Variants in SEPTIN9 observed in about 807,000 individuals in gnomAD.
The protein encoded by SEPTIN9 is septin 9.
Under a neutral mutation model 56.6 loss-of-function variants are expected in SEPTIN9, and 13 were observed. The ratio of observed to expected loss-of-function variants is 0.23; its 90% confidence interval spans 0.15 to 0.37. The LOEUF is 0.37. SEPTIN9 is among the 10% of genes least tolerant of loss of function. SEPTIN9 has a pLI of 1.00. For missense variants in SEPTIN9, 650 were observed against 823.1 expected, an observed-to-expected ratio of 0.79 and a Z score of 2.57; for synonymous variants, 332 against 334.1, an observed-to-expected ratio of 0.99 and a Z score of 0.07.
At position 77,476,332 on chromosome 17, in the gene SEPTIN9, T is replaced by A. The variant is rs2039213406; in HGVS notation, c.722-5812T>A. Among the ~76,000 whole-genome samples, 1 of 152,126 alleles carries A rather than the reference T, an allele frequency of 6.6e-6. No homozygotes were observed. The highest frequency in any genetic ancestry group is 1.5e-5 in the Non-Finnish European group (1 of 68,024). On this transcript the variant is annotated intron_variant, in intron 3 of 11. Coordinates refer to ENST00000427177, the MANE Select transcript of SEPTIN9 (RefSeq NM_001113491.2). This position sits in a 1 kb window ranked among gnomAD's most constrained non-coding sequence, Gnocchi z 6.0. ...TGCCCCTAAAGTGTGTCATGTCCAATAGCTGCCTCCTCTCTGGGCACTGCC... is the reference window on the plus strand; with the variant it reads ...TGCCCCTAAAGTGTGTCATGTCCAAAAGCTGCCTCCTCTCTGGGCACTGCC...
intron 1 of SEPTIN9, among the ~76,000 whole-genome samples, chr17:77,288,896 G>A (rs1363738368): frequency 1.3e-5 from 2 of 152,198 alleles, no homozygotes; most frequent in Non-Finnish European, 2.9e-5. Flanking sequence ...GGCCGGCACC[G>A]AGGGGCGGGG....
intron 2 of SEPTIN9, chr17:77,375,955 CA>C (rs1286422982): frequency 3.5e-6 from 1 of 286,466 alleles, no homozygotes; most frequent in African/African-American, 2.3e-5. Flanking sequence ...GGTGGACAGA[CA>C]GACGTGGGGA....
chr17:77,475,178 T>G lies in SEPTIN9; in HGVS notation c.722-6966T>G. 1.7e-6 allele frequency: 2 copies of G among 1,156,124 alleles called. No individual in the cohort carries two copies. Among genetic ancestry groups the G allele is most frequent in the Non-Finnish European group, 2.2e-6 (2 of 928,558 alleles). The allele number at this position is 1,156,124 out of a possible 1,614,324, so 71.6% of individuals were successfully genotyped here. A position where few individuals can be genotyped will look rare whatever the true frequency, so the allele number is the denominator to read the frequency against. ...GCTGGGGTGAGCGTGATGGATGAGG[T>G]GTCTGGCTTCACAAACCCTGTGTGG... On this transcript the variant is annotated intron_variant, in intron 3 of 11. Coordinates refer to ENST00000427177, the MANE Select transcript of SEPTIN9 (RefSeq NM_001113491.2). The surrounding 1 kb of genome is among the most constrained non-coding windows in gnomAD (Gnocchi z 4.6).
chr17:77,324,746 A>T (rs933734952), intron 2 of SEPTIN9, among the ~76,000 whole-genome samples: 1 of 151,778 alleles, frequency 6.6e-6, no homozygotes, highest in African/African-American at 2.4e-5. Context: ...TACTAATCCC[A>T]TATCTGACCT....
chr17:77,361,160 G>T (rs2143851132), intron 2 of SEPTIN9, among the ~76,000 whole-genome samples: 1 of 152,162 alleles, frequency 6.6e-6, no homozygotes, highest in East Asian at 1.9e-4. Flanking sequence ...CTTACCTAAG[G>T]TGATCCACCC....
Position 77,367,853 on chromosome 17 carries a change from TAAAA to T in SEPTIN9, c.77-34205_77-34202del, listed in dbSNP as rs2034617292. Reference sequence around the variant, plus strand: ...CTAATAATAAATAAAATAATAATAATAAAATAATAAAAGCAAGGACTTGAACAAA... The same window carrying T: ...CTAATAATAAATAAAATAATAATAATTAATAAAAGCAAGGACTTGAACAAA... On this transcript the variant is annotated intron_variant, in intron 2 of 11. Coordinates refer to ENST00000427177, the MANE Select transcript of SEPTIN9 (RefSeq NM_001113491.2). The surrounding 1 kb of genome is among the most constrained non-coding windows in gnomAD (Gnocchi z 4.5). 6.6e-6 allele frequency among the ~76,000 whole-genome samples: 1 copy of T among 151,828 alleles called. No homozygotes were observed. Among genetic ancestry groups the T allele is most frequent in the Non-Finnish European group, 1.5e-5 (1 of 67,982 alleles).
In SEPTIN9 at chr17:77,327,136, C is replaced by T. The variant is rs1009154410; in HGVS notation, c.76+19939C>T. On this transcript the variant is annotated intron_variant, in intron 2 of 11. Coordinates refer to ENST00000427177, the MANE Select transcript of SEPTIN9 (RefSeq NM_001113491.2). The surrounding 1 kb of genome is among the most constrained non-coding windows in gnomAD (Gnocchi z 5.0). Reference sequence around the variant, plus strand: ...AGTTAATCCTACCAGCACTGGCTCTCATCTGCCGACCTTACCTCTGGCAAT... The same window carrying T: ...AGTTAATCCTACCAGCACTGGCTCTTATCTGCCGACCTTACCTCTGGCAAT... 6.6e-6 allele frequency among the ~76,000 whole-genome samples: 1 copy of T among 152,190 alleles called. No homozygotes were observed. The highest frequency in any genetic ancestry group is 1.5e-5 in the Non-Finnish European group (1 of 68,028).
chr17:77,390,150 T>C (rs75943331), intron 2 of SEPTIN9, among the ~76,000 whole-genome samples: 31,840 of 151,554 alleles, frequency 0.21, 3,583 homozygotes, highest in East Asian at 0.5. Context: ...TTTACTGTGG[T>C]CCTGGTTCTG....
intron 2 of SEPTIN9, among the ~76,000 whole-genome samples, chr17:77,340,798 CTT>C (rs774530438): frequency 1.3e-5 from 2 of 152,382 alleles, no homozygotes; most frequent in Admixed American, 6.5e-5. Flanking sequence ...TTCTGGGTAA[CTT>C]GCTGCCGCTT....
chr17:77,474,837 A>G lies in SEPTIN9; in HGVS notation c.722-7307A>G, dbSNP rs545260565. Among the ~76,000 whole-genome samples the G allele has an allele frequency of 3.9e-5, 6 of 152,180 alleles. No homozygotes were observed. In the South Asian group the frequency reaches 1.2e-3, roughly 32 times the overall value. On this transcript the variant is annotated intron_variant, in intron 3 of 11. Transcript: ENST00000427177. ...GGCTACCTTATAGGATTGTGTGATG[A>G]TCCATCAGTTATAATAGCTCCTGAG... is the stretch of plus-strand genomic sequence containing the variant.
At chr17:77,373,184 C>G (rs1033871862) in intron 2 of SEPTIN9, 8 of 1,076,152 alleles carry the variant, frequency 7.4e-6, no homozygotes, top group African/African-American at 1.7e-5. Context: ...CACTCGGGCC[C>G]CAGCCCCCCA....
At chr17:77,364,047 C>T (rs764083670) in intron 2 of SEPTIN9, among the ~76,000 whole-genome samples, 1 of 152,164 alleles carries the variant, frequency 6.6e-6, no homozygotes, top group Non-Finnish European at 1.5e-5. Flanking sequence ...CCATTAGGTC[C>T]CTGAGGTCAC....
At chr17:77,356,611 CTTCT>C (rs1421628889) in intron 2 of SEPTIN9, among the ~76,000 whole-genome samples, 1 of 146,448 alleles carries the variant, frequency 6.8e-6, no homozygotes, top group Non-Finnish European at 1.5e-5. Flanking sequence ...GCTCCTCCTC[CTTCT>C]ATGTTTCCTC....
intron 7 of SEPTIN9, 32 bp downstream of exon 7, chr17:77,488,896 C>A (rs367773144): frequency 6.2e-7 from 1 of 1,610,614 alleles, no homozygotes; most frequent in South Asian, 1.1e-5. Flanking sequence ...GTCCTCATGC[C>A]GGGTGCCCTG....
chr17:77,442,506 TAAAAAAAAAAAA>T (rs574360726), intron 3 of SEPTIN9, among the ~76,000 whole-genome samples: 3 of 91,330 alleles, frequency 3.3e-5, no homozygotes, highest in African/African-American at 1.2e-4. Context: ...CAACTAGTCT[TAAAAAAAAAAAA>T]AAAAAAAAAA....
At chr17:77,485,067 T>G (rs1345357550) in intron 4 of SEPTIN9, among the ~76,000 whole-genome samples, 3 of 4,608 alleles carry the variant, frequency 6.5e-4, no homozygotes, top group Non-Finnish European at 1.4e-3. Flanking sequence ...GTGGTGGTAA[T>G]GGTGATGGTG....
At chr17:77,443,788 A>G (rs985923392) in intron 3 of SEPTIN9, among the ~76,000 whole-genome samples, 1 of 151,640 alleles carries the variant, frequency 6.6e-6, no homozygotes, top group African/African-American at 2.4e-5. Context: ...ACAGAGCCAG[A>G]CTCCGTCTCA....
At chr17:77,285,511 C>G (rs988485236) in intron 1 of SEPTIN9, among the ~76,000 whole-genome samples, 6 of 152,200 alleles carry the variant, frequency 3.9e-5, no homozygotes, top group African/African-American at 1.4e-4. Flanking sequence ...AATTCTCATG[C>G]CTCAGCCTCC....
At chr17:77,482,534 A>G in intron 4 of SEPTIN9, 199 bp downstream of exon 4, 1 of 716,374 alleles carries the variant, frequency 1.4e-6, no homozygotes, top group South Asian at 1.5e-5. Context: ...GGCTCCTCAG[A>G]GGGGCCTGTC....
Sources: allele counts gnomAD v4.1 joint callset (sites outside exome capture counted in the v4.1 genomes callset), GRCh38; gene constraint gnomAD v4.1.1; non-coding constraint Gnocchi (gnomAD v3.1); transcripts MANE v1.5; gene names NCBI Gene and HGNC (gene_info 2026-07-23, HGNC 2026-07-21).